PLAG1: variants seen among roughly 807,000 people sequenced by gnomAD.
PLAG1 encodes PLAG1 zinc finger, also known as zinc finger protein PLAG1.
A neutral mutation model predicts 35.5 loss-of-function variants in PLAG1; 7 were observed. The observed-to-expected ratio is 0.20, with a 90% CI of 0.11 to 0.37. The LOEUF is 0.37. Ranked by LOEUF, PLAG1 falls within the 10% of genes least tolerant of loss-of-function variation. PLAG1 has a pLI of 1.00. For synonymous variants in PLAG1, 229 were observed against 225.4 expected (o/e 1.02, Z -0.14); for missense variants, 454 against 602.8 (o/e 0.75, Z 2.58).
rs2129224361 is a variant in PLAG1, at chr8:56,166,724, T to C, written c.1022A>G (p.Tyr341Cys). Reference sequence around the variant, plus strand: ...TTCTTTTTCAGGAATAGAAATTGCATATGAGGTAGAACTGAACGGATATTT... The same window carrying C: ...TTCTTTTTCAGGAATAGAAATTGCACATGAGGTAGAACTGAACGGATATTT... ...SFKYPFSSTSYAISIPEKEQP... is the reference protein window; with the variant it reads ...SFKYPFSSTSCAISIPEKEQP... Residue 341 changes from tyrosine to cysteine, a missense_variant, in exon 5 of 5, where the codon TAT becomes TGT. Physicochemically the swap from Tyr to Cys is radical, Grantham distance 194. Transcript: ENST00000316981. The C allele has an allele frequency of 6.2e-7, 1 of 1,614,030 alleles. No individual in the cohort carries two copies. The highest frequency in any genetic ancestry group is 8.5e-7 in the Non-Finnish European group (1 of 1,179,962).
chr8:56,193,695 CTTTTT>C (rs760038291), intron 1 of PLAG1, among the ~76,000 whole-genome samples: 1 of 130,798 alleles, frequency 7.6e-6, no homozygotes. Context: ...ATTAGGTAAA[CTTTTT>C]TTTTTTTTTT....
chr8:56,171,477 T>C (rs543550474), intron 2 of PLAG1: 1 of 152,346 alleles, frequency 6.6e-6, no homozygotes, highest in African/African-American at 2.4e-5. Context: ...AAAATCTGAC[T>C]TACCTACTGA....
intron 2 of PLAG1, among the ~76,000 whole-genome samples, chr8:56,178,532 T>C (rs1191922036): frequency 1.3e-5 from 2 of 152,198 alleles, no homozygotes; most frequent in East Asian, 3.8e-4. Flanking sequence ...CCATAGAATG[T>C]TGTTCTTATA....
rs574411318 is a variant in PLAG1, at chr8:56,195,755, T to G, written c.-322+15366A>C. Among the ~76,000 whole-genome samples the G allele has an allele frequency of 2.0e-5, 3 of 152,178 alleles. 1 individual carries two copies. The South Asian group carries it at 6.2e-4, about 32-fold the overall frequency. On this transcript the variant is annotated intron_variant, in intron 1 of 4. Coordinates refer to ENST00000316981, the MANE Select transcript of PLAG1 (RefSeq NM_002655.3). The stretch of plus-strand genomic sequence containing the variant: ...GGTCCTGAAGCTCAAGGCGCCTGGC[T>G]TCGTGTGGGAGAACAGGTGACGGTG...
chr8:56,172,275 G>A (rs1767934244), intron 2 of PLAG1, among the ~76,000 whole-genome samples: 1 of 152,084 alleles, frequency 6.6e-6, no homozygotes, highest in African/African-American at 2.4e-5. Context: ...AAAATGCCAA[G>A]GGTATATCTG....
In PLAG1 at chr8:56,171,202, A is replaced by G; in HGVS notation, c.-216-13T>C. 1.3e-6 allele frequency: 1 copy of G among 741,738 alleles called. No homozygotes were observed. The highest frequency in any genetic ancestry group is 1.6e-6 in the Non-Finnish European group (1 of 606,802). The allele number at this position is 741,738 out of a possible 1,614,324, so 45.9% of individuals were successfully genotyped here. ...CATTTTGGCCAATCTATGAAAAAAA[A>G]GTGAAAATGGACTATCCTCTAAATG... On this transcript the variant is annotated splice_polypyrimidine_tract_variant and intron_variant, in intron 2 of 4. Coordinates refer to ENST00000316981, the MANE Select transcript of PLAG1 (RefSeq NM_002655.3).
At chr8:56,175,583 A>T (rs1161946236) in intron 2 of PLAG1, among the ~76,000 whole-genome samples, 1 of 152,210 alleles carries the variant, frequency 6.6e-6, no homozygotes, top group Non-Finnish European at 1.5e-5. Flanking sequence ...TTTTTGAATT[A>T]CTGCGTTTTA....
At chr8:56,178,552 A>G (rs1811775006) in intron 2 of PLAG1, among the ~76,000 whole-genome samples, 1 of 152,212 alleles carries the variant, frequency 6.6e-6, no homozygotes, top group Non-Finnish European at 1.5e-5. Context: ...AGAAAATTTT[A>G]GCCCGATTAA....
intron 1 of PLAG1, among the ~76,000 whole-genome samples, chr8:56,196,985 T>TGTGTGTGC (rs1215269154): frequency 1.3e-5 from 2 of 150,298 alleles, no homozygotes; most frequent in African/African-American, 5.0e-5. Context: ...TGTGTGTGTG[T>TGTGTGTGC]GTGCTCCTCT....
At chr8:56,169,254 T>C (rs868365447) in intron 3 of PLAG1, among the ~76,000 whole-genome samples, 3 of 152,150 alleles carry the variant, frequency 2.0e-5, no homozygotes, top group Admixed American at 2.0e-4. Flanking sequence ...AGCAGACCTG[T>C]GTGGACTTCT....
intron 2 of PLAG1, among the ~76,000 whole-genome samples, chr8:56,176,846 A>C (rs1811711035): frequency 6.6e-6 from 1 of 152,188 alleles, no homozygotes; most frequent in African/African-American, 2.4e-5. Flanking sequence ...TTTGACACCA[A>C]CTATAAAAAT....
intron 1 of PLAG1, among the ~76,000 whole-genome samples, chr8:56,194,661 G>C (rs1442171517): frequency 1.3e-5 from 2 of 152,022 alleles, no homozygotes; most frequent in African/African-American, 4.8e-5. Flanking sequence ...GTGTGTATGT[G>C]GGTGCAGCAT....
intron 1 of PLAG1, among the ~76,000 whole-genome samples, chr8:56,196,945 A>AGT (rs1366304305): frequency 0.033 from 2,814 of 84,168 alleles, 96 homozygotes; most frequent in African/African-American, 0.1. Context: ...CTCCCTCCCT[A>AGT]GTGTGCGTGT....
chr8:56,196,951 C>CGTGTGTGTGTGT (rs10534078), intron 1 of PLAG1, among the ~76,000 whole-genome samples: 49 of 143,052 alleles, frequency 3.4e-4, no homozygotes, highest in African/African-American at 1.2e-3. Context: ...CCCTAGTGTG[C>CGTGTGTGTGTGT]GTGTGTGTGT....
Position 56,161,370 on chromosome 8 carries a change from G to C in PLAG1, c.*4873C>G, listed in dbSNP as rs923808955. 3 of 215,580 alleles carry C rather than the reference G, an allele frequency of 1.4e-5. No homozygotes were observed. Among genetic ancestry groups the C allele is most frequent in the Non-Finnish European group, 2.8e-5 (3 of 106,724 alleles). 13.4% of individuals were successfully genotyped at this position (215,580 alleles called of 1,614,324 possible). On this transcript the variant is annotated 3_prime_UTR_variant, in exon 5 of 5. Transcript: ENST00000316981. ...TCATTAGAACATTTTTAGAGTACTA[G>C]TCCAAACACTTTTTCATTAGCTAAA...
chr8:56,166,753 A>C lies in PLAG1; in HGVS notation c.993T>G (p.Ser331=), dbSNP rs138012418. The C allele has an allele frequency of 4.5e-5, 72 of 1,614,014 alleles. No homozygotes were observed. The highest frequency in any genetic ancestry group is 5.5e-5 in the Non-Finnish European group (65 of 1,179,994). ...MDTVHPSHHL[S]FKYPFSSTSY... is the part of the protein sequence containing the mutation. ...AGGTAGAACTGAACGGATATTTGAAAGAAAGGTGGTGAGAGGGATGAACAG... is the reference window on the plus strand; with the variant it reads ...AGGTAGAACTGAACGGATATTTGAACGAAAGGTGGTGAGAGGGATGAACAG... The change falls in exon 5 of 5, where the codon TCT becomes TCG. Residue 331 remains serine (S), a synonymous_variant. Transcript: ENST00000316981.
intron 1 of PLAG1, among the ~76,000 whole-genome samples, chr8:56,210,135 G>A (rs1055881653): frequency 6.6e-5 from 10 of 151,944 alleles, no homozygotes; most frequent in Admixed American, 6.6e-4. Context: ...AAAGGCTTTT[G>A]CCCTTCGAAA....
intron 1 of PLAG1, among the ~76,000 whole-genome samples, chr8:56,201,022 A>T (rs1225705784): frequency 6.6e-6 from 1 of 152,178 alleles, no homozygotes; most frequent in African/African-American, 2.4e-5. Flanking sequence ...TTATGTGTTT[A>T]TTATAGGGGA....
chr8:56,188,739 G>C (rs1456168698), intron 1 of PLAG1, among the ~76,000 whole-genome samples: 2 of 152,168 alleles, frequency 1.3e-5, no homozygotes, highest in African/African-American at 2.4e-5. Context: ...ATCTTCAACT[G>C]TAAGAAGAAC....
Sources: gnomAD v4.1 joint callset for allele counts (sites outside exome capture counted in the v4.1 genomes callset) on GRCh38, gnomAD v4.1.1 for gene constraint, MANE v1.5 for transcripts, NCBI Gene and HGNC (gene_info 2026-07-23, HGNC 2026-07-21) for gene names.